DIAPH2: variants seen among roughly 807,000 people sequenced by gnomAD.
DIAPH2 encodes protein diaphanous homolog 2.
DIAPH2 carries 35 observed loss-of-function variants against 92.7 expected under a neutral mutation model. The observed-to-expected ratio is 0.38, with a 90% CI of 0.29 to 0.50. DIAPH2 has a LOEUF of 0.50. Ranked by LOEUF, DIAPH2 falls within the 20% of genes least tolerant of loss-of-function variation. The pLI is 0.94. For synonymous variants in DIAPH2, 301 were observed against 280.4 expected (o/e 1.07, Z -0.73); for missense variants, 701 against 819.5 (o/e 0.86, Z 1.77).
chrX:96,779,054 C>T (rs1366374402), intron 4 of DIAPH2, among the ~76,000 whole-genome samples: 1 of 112,105 alleles, frequency 8.9e-6, no homozygotes, highest in Non-Finnish European at 1.9e-5. Flanking sequence ...GTTTTAAAAT[C>T]TGTTGATGAG....
In DIAPH2 at chrX:96,973,522, C is replaced by G. The variant is rs139283872; in HGVS notation, c.2050+8315C>G. On this transcript the variant is annotated intron_variant, in intron 17 of 26. Transcript: ENST00000324765. Reference sequence around the variant, plus strand: ...AAATGTAAAAAATACAGTATAACAACTATTTACATAGTATTTACATTAATA... The same window carrying G: ...AAATGTAAAAAATACAGTATAACAAGTATTTACATAGTATTTACATTAATA... Among the ~76,000 whole-genome samples the G allele has an allele frequency of 8.7e-3, 972 of 111,144 alleles. 8 individuals carry two copies. Among genetic ancestry groups the G allele is most frequent in the Middle Eastern group, 0.023 (5 of 217 alleles).
rs760073834 is a variant in DIAPH2, at chrX:97,090,298, C to CTTTT, written c.2248-9363_2248-9360dup. 3.4e-3 allele frequency among the ~76,000 whole-genome samples: 132 copies of CTTTT among 38,869 alleles called. 34 individuals carry two copies. Among genetic ancestry groups the CTTTT allele is most frequent in the South Asian group, 8.7e-3 (3 of 346 alleles). 33.8% of individuals were successfully genotyped at this position (38,869 alleles called of 115,157 possible). A position where few individuals can be genotyped will look rare whatever the true frequency, so the allele number is the denominator to read the frequency against. ...GTGATCCTCTGATTGTCTCTGATCC[C>CTTTT]TTTTTTTTTTTTTTTTTTTTTTTTT... is the stretch of plus-strand genomic sequence containing the variant. On this transcript the variant is annotated intron_variant, in intron 19 of 26. Transcript: ENST00000324765.
intron 4 of DIAPH2, among the ~76,000 whole-genome samples, chrX:96,839,049 C>T (rs2064918035): frequency 9.0e-6 from 1 of 111,368 alleles, no homozygotes; most frequent in African/African-American, 3.3e-5. Context: ...CCCTATATTC[C>T]ACAATACATC....
intron 24 of DIAPH2, among the ~76,000 whole-genome samples, chrX:97,364,335 C>G (rs2069357834): frequency 8.9e-6 from 1 of 111,905 alleles, no homozygotes. Flanking sequence ...AACCCAAAAC[C>G]CTGATCCAGC....
At chrX:96,726,766 C>T (rs925824793) in intron 1 of DIAPH2, among the ~76,000 whole-genome samples, 25 of 111,882 alleles carry the variant, frequency 2.2e-4, no homozygotes, top group African/African-American at 7.8e-4. Context: ...GACTGTAAAC[C>T]TTGATTTCCT....
At chrX:96,916,281 CAA>C (rs1208473512) in intron 7 of DIAPH2, among the ~76,000 whole-genome samples, 155 bp from the exon 8 acceptor site, 1 of 110,952 alleles carries the variant, frequency 9.0e-6, no homozygotes, top group African/African-American at 3.3e-5. Flanking sequence ...ATATAAAAAA[CAA>C]AGACAGATAA....
chrX:97,085,618 T>C (rs2066777689), intron 19 of DIAPH2, among the ~76,000 whole-genome samples: 1 of 110,654 alleles, frequency 9.0e-6, no homozygotes, highest in South Asian at 3.9e-4. Context: ...GGTTTCGCCA[T>C]GTTAGCCAGG....
intron 26 of DIAPH2, among the ~76,000 whole-genome samples, chrX:97,562,574 A>T (rs1259556091): frequency 9.0e-6 from 1 of 110,814 alleles, no homozygotes; most frequent in Non-Finnish European, 1.9e-5. Context: ...CTTACTCCTA[A>T]TTTCCTGGCT....
Position 97,184,619 on chromosome X carries a change from T to C in DIAPH2, c.2719+42825T>C, listed in dbSNP as rs146521073. On this transcript the variant is annotated intron_variant, in intron 22 of 26. Transcript: ENST00000324765. ...AATGTGCCTCTGGTGCCTGGGGAGA[T>C]TGAGTTAAAGCATATATGGCTCAGT... Among the ~76,000 whole-genome samples, 492 of 111,172 alleles carry C rather than the reference T, an allele frequency of 4.4e-3. 1 individual carries two copies. The highest frequency in any genetic ancestry group is 0.015 in the African/African-American group (472 of 30,564).
intron 17 of DIAPH2, among the ~76,000 whole-genome samples, chrX:97,056,130 G>A (rs1026205266): frequency 1.8e-5 from 2 of 111,629 alleles, no homozygotes; most frequent in African/African-American, 6.5e-5. Context: ...AGGTTTTAAT[G>A]TGGCCAAGTA....
At chrX:96,924,293 A>G (rs1041250958) in intron 9 of DIAPH2, among the ~76,000 whole-genome samples, 6 of 112,238 alleles carry the variant, frequency 5.3e-5, no homozygotes, top group African/African-American at 1.9e-4. Context: ...TTTAGAAAAT[A>G]GATTACTATA....
At chrX:97,203,199 G>A (rs1331084122) in intron 22 of DIAPH2, among the ~76,000 whole-genome samples, 1 of 111,726 alleles carries the variant, frequency 9.0e-6, no homozygotes, top group Non-Finnish European at 1.9e-5. Context: ...ATAGCACTAA[G>A]TGCCCACATC....
At chrX:96,960,568 T>A (rs2065840838) in intron 16 of DIAPH2, among the ~76,000 whole-genome samples, 1 of 111,328 alleles carries the variant, frequency 9.0e-6, no homozygotes, top group Admixed American at 9.6e-5. Flanking sequence ...GATGTTGTCT[T>A]TTCCAATTTG....
At chrX:97,161,596 G>A (rs1160396609) in intron 22 of DIAPH2, among the ~76,000 whole-genome samples, 2 of 110,905 alleles carry the variant, frequency 1.8e-5, no homozygotes, top group Non-Finnish European at 1.9e-5. Flanking sequence ...GGAGAAGGGG[G>A]TTTCGCCACC....
At chrX:97,300,882 A>G (rs1372811050) in intron 23 of DIAPH2, among the ~76,000 whole-genome samples, 1 of 89,140 alleles carries the variant, frequency 1.1e-5, no homozygotes, top group African/African-American at 4.1e-5. Flanking sequence ...CTGTGAGCCG[A>G]GATCACGCCA....
At chrX:96,924,945 A>G (rs2065570490) in intron 9 of DIAPH2, among the ~76,000 whole-genome samples, 2 of 111,299 alleles carry the variant, frequency 1.8e-5, no homozygotes, top group Admixed American at 1.9e-4. Flanking sequence ...TCCAAACCAT[A>G]TCATAAGCTC....
chrX:96,685,300 C>T (rs1312749810), intron 1 of DIAPH2, 110 bp downstream of exon 1: 41 of 860,409 alleles, frequency 4.8e-5, no homozygotes, highest in Admixed American at 2.3e-4. Context: ...TGACCGCGAC[C>T]TCGCTGTGCA....
At chrX:97,017,301 C>CT (rs2066266940) in intron 17 of DIAPH2, among the ~76,000 whole-genome samples, 1 of 111,355 alleles carries the variant, frequency 9.0e-6, no homozygotes, top group Admixed American at 9.6e-5. Context: ...TTAGAATTAT[C>CT]TTTTTTCTCC....
intron 26 of DIAPH2, among the ~76,000 whole-genome samples, chrX:97,501,202 T>C (rs1368031844): frequency 9.0e-6 from 1 of 111,051 alleles, no homozygotes; most frequent in African/African-American, 3.3e-5. Flanking sequence ...GACCACACTG[T>C]ACGAAGATAT....
Sources: gnomAD v4.1 joint callset for allele counts (sites outside exome capture counted in the v4.1 genomes callset) on GRCh38, gnomAD v4.1.1 for gene constraint, MANE v1.5 for transcripts, NCBI Gene and HGNC (gene_info 2026-07-23, HGNC 2026-07-21) for gene names.